Variants in RAD51B observed in about 807,000 individuals in gnomAD.
RAD51B encodes RAD51 paralog B.
In RAD51B, 38 loss-of-function variants were observed where a neutral mutation model predicts 42.2. The ratio of observed to expected loss-of-function variants is 0.90; its 90% CI spans 0.70 to 1.18. The LOEUF (loss-of-function observed/expected upper bound fraction) is 1.18, where lower values mean the gene tolerates loss of function less well. RAD51B is among the 50% of genes most tolerant of loss of function. RAD51B has a pLI of 0.00. For missense variants in RAD51B, 373 were observed against 400.7 expected (o/e 0.93, Z 0.59); for synonymous variants, 154 against 145.2 (o/e 1.06, Z -0.43).
intron 7 of RAD51B, among the ~76,000 whole-genome samples, chr14:68,095,971 CAAAA>C (rs56862052): frequency 8.0e-5 from 5 of 62,632 alleles, no homozygotes; most frequent in African/African-American, 2.5e-4. Flanking sequence ...GACTCCGTCT[CAAAA>C]AAAAAAAAAA....
intron 7 of RAD51B, among the ~76,000 whole-genome samples, chr14:68,209,937 G>A (rs1357068775): frequency 2.0e-5 from 3 of 151,452 alleles, no homozygotes; most frequent in Non-Finnish European, 4.4e-5. Context: ...GTATTAGTCT[G>A]AGCGAAACAT....
chr14:67,878,403 C>A (rs1050287238), intron 5 of RAD51B, among the ~76,000 whole-genome samples: 1 of 151,890 alleles, frequency 6.6e-6, no homozygotes, highest in Non-Finnish European at 1.5e-5. Context: ...TATATAAATA[C>A]TTTGTGTATT....
At chr14:68,132,448 A>C (rs1000794030) in intron 7 of RAD51B, among the ~76,000 whole-genome samples, 15 of 152,218 alleles carry the variant, frequency 9.9e-5, no homozygotes, top group African/African-American at 3.6e-4. Context: ...ATCAGGAAGA[A>C]CATTCTAACA....
At chr14:68,553,111 T>C (rs1038102017) in intron 10 of RAD51B, among the ~76,000 whole-genome samples, 7 of 152,336 alleles carry the variant, frequency 4.6e-5, no homozygotes, top group African/African-American at 1.7e-4. Context: ...GCTGATTTCA[T>C]TTTGCTTCTA....
chr14:68,633,924 A>C (rs185156655), intron 10 of RAD51B, among the ~76,000 whole-genome samples: 1 of 152,360 alleles, frequency 6.6e-6, no homozygotes, highest in Non-Finnish European at 1.5e-5. Flanking sequence ...GCCAGAAGCA[A>C]CTGCCCAAGT....
chr14:68,444,776 GTGAT>G (rs1163307941), intron 9 of RAD51B, among the ~76,000 whole-genome samples: 2 of 152,176 alleles, frequency 1.3e-5, no homozygotes, highest in Non-Finnish European at 2.9e-5. Flanking sequence ...GGTGGTGGTG[GTGAT>G]TTTAGTAAAC....
chr14:67,949,146 A>G (rs905794781), intron 7 of RAD51B, among the ~76,000 whole-genome samples: 2 of 152,016 alleles, frequency 1.3e-5, no homozygotes, highest in African/African-American at 4.8e-5. Context: ...TAAGACAGCA[A>G]TAAAGTTCAT....
At chr14:68,053,559 G>T (rs1207792881) in intron 7 of RAD51B, among the ~76,000 whole-genome samples, 1 of 152,196 alleles carries the variant, frequency 6.6e-6, no homozygotes, top group Admixed American at 6.5e-5. Context: ...GTGACTTAAT[G>T]ATAGAGACTG....
intron 5 of RAD51B, among the ~76,000 whole-genome samples, chr14:67,882,548 G>T (rs551244133): frequency 6.6e-6 from 1 of 152,072 alleles, no homozygotes; most frequent in African/African-American, 2.4e-5. Flanking sequence ...ATTCATTTGC[G>T]TAATGACATG....
At chr14:68,676,289 A>G (rs535031425) in intron 11 of RAD51B, among the ~76,000 whole-genome samples, 1 of 152,202 alleles carries the variant, frequency 6.6e-6, no homozygotes, top group Non-Finnish European at 1.5e-5. Flanking sequence ...CAGCTGGTAC[A>G]TGGAAGCTAG....
chr14:67,834,974 A>G (rs991868151), intron 3 of RAD51B, 106 bp from the exon 4 acceptor site: 28 of 751,154 alleles, frequency 3.7e-5, no homozygotes, highest in Non-Finnish European at 5.8e-5. Flanking sequence ...AGAAGGGAAA[A>G]GGATGGATTA....
In RAD51B at chr14:68,603,087, G is replaced by T. The variant is rs57574001; in HGVS notation, c.1037-7919G>T. 3.6e-3 allele frequency among the ~76,000 whole-genome samples: 546 copies of T among 152,244 alleles called. 2 individuals are homozygous for T. Among genetic ancestry groups the T allele is most frequent in the African/African-American group, 0.012 (482 of 41,544 alleles). ...ATATGACTATCAAAGCTGCCCTTACGTGTTCCTCTCCTCTCCCTCTAGTGT... is the reference window on the plus strand; with the variant it reads ...ATATGACTATCAAAGCTGCCCTTACTTGTTCCTCTCCTCTCCCTCTAGTGT... On this transcript the variant is annotated intron_variant, in intron 10 of 10. Coordinates refer to the RAD51B transcript ENST00000487861.
intron 7 of RAD51B, among the ~76,000 whole-genome samples, chr14:67,968,957 C>G (rs1259129951): frequency 6.6e-6 from 1 of 152,194 alleles, no homozygotes; most frequent in Non-Finnish European, 1.5e-5. Context: ...TTCCACTTGA[C>G]TGGGGAGGCC....
intron 9 of RAD51B, among the ~76,000 whole-genome samples, chr14:68,460,695 C>T (rs2085822329): frequency 6.6e-6 from 1 of 152,230 alleles, no homozygotes; most frequent in Non-Finnish European, 1.5e-5. Context: ...TGTTCTGTGG[C>T]TCCTTTTCCA....
intron 10 of RAD51B, among the ~76,000 whole-genome samples, chr14:68,583,335 G>A (rs1003471371): frequency 1.3e-5 from 2 of 152,142 alleles, no homozygotes; most frequent in African/African-American, 4.8e-5. Context: ...ATGTAAGTGG[G>A]AGGAGAAGCT....
chr14:68,395,172 G>A lies in RAD51B; in HGVS notation c.854-16252G>A, dbSNP rs376387908. 1.6e-4 allele frequency among the ~76,000 whole-genome samples: 24 copies of A among 151,884 alleles called. No homozygotes were observed. The South Asian group carries it at 2.9e-3, about 18-fold the overall frequency. ...TTCCTCCTTTATCCCCTCCTCTCCC[G>A]CCTCCCCTTCTTCTGTGCTCCCACC... On this transcript the variant is annotated intron_variant, in intron 8 of 10. Transcript: ENST00000471583.
intron 10 of RAD51B, among the ~76,000 whole-genome samples, chr14:68,514,418 A>C (rs973951836): frequency 6.6e-6 from 1 of 152,194 alleles, no homozygotes; most frequent in African/African-American, 2.4e-5. Context: ...CAAGTGGACA[A>C]ATCTGATCAA....
intron 7 of RAD51B, among the ~76,000 whole-genome samples, chr14:67,893,583 A>G (rs1165265413): frequency 2.0e-5 from 3 of 151,640 alleles, no homozygotes; most frequent in African/African-American, 7.3e-5. Flanking sequence ...GGGCGGGAGG[A>G]TGGCTTGAAC....
At chr14:68,316,517 C>G (rs545737610) in intron 8 of RAD51B, among the ~76,000 whole-genome samples, 1 of 152,322 alleles carries the variant, frequency 6.6e-6, no homozygotes, top group South Asian at 2.1e-4. Context: ...TGGGGCCTTT[C>G]TGACTGGTTT....
Sources: allele counts gnomAD v4.1 joint callset (sites outside exome capture counted in the v4.1 genomes callset), GRCh38; gene constraint gnomAD v4.1.1; transcripts MANE v1.5; gene names NCBI Gene and HGNC (gene_info 2026-07-23, HGNC 2026-07-21).